FARS2: variants seen among roughly 807,000 people sequenced by gnomAD.
FARS2 encodes phenylalanyl-tRNA synthetase 2, mitochondrial, also known as phenylalanine--tRNA ligase, mitochondrial.
A neutral mutation model predicts 46.4 loss-of-function variants in FARS2; 40 were observed. That is an observed-to-expected ratio of 0.86 (90% CI 0.67 to 1.12). FARS2 has a LOEUF of 1.12. Among genes scored for constraint, FARS2 ranks in the 50% most tolerant of loss-of-function variants. FARS2 has a pLI of 0.00. For synonymous variants in FARS2, 234 were observed against 214.9 expected, an observed-to-expected ratio of 1.09 and a Z score of -0.78; for missense variants, 513 against 567.9, an observed-to-expected ratio of 0.90 and a Z score of 0.98.
intron 2 of FARS2, among the ~76,000 whole-genome samples, chr6:5,375,501 A>C (rs1322255406): frequency 6.6e-6 from 1 of 152,068 alleles, no homozygotes; most frequent in African/African-American, 2.4e-5. Context: ...TTAATCTACA[A>C]ATCCAGCGCA....
chr6:5,316,169 A>G (rs541269210), intron 1 of FARS2, among the ~76,000 whole-genome samples: 2 of 152,358 alleles, frequency 1.3e-5, no homozygotes, highest in South Asian at 4.1e-4. Flanking sequence ...ATGTACTGGG[A>G]AAGATTCACT....
chr6:5,577,739 T>A (rs952549980), intron 5 of FARS2, among the ~76,000 whole-genome samples: 1 of 152,160 alleles, frequency 6.6e-6, no homozygotes, highest in Non-Finnish European at 1.5e-5. Flanking sequence ...AGCAGTAGCT[T>A]TGGAGTAAAC....
chr6:5,321,310 G>A (rs192116487), intron 1 of FARS2, among the ~76,000 whole-genome samples: 31 of 152,274 alleles, frequency 2.0e-4, no homozygotes, highest in Middle Eastern at 3.4e-3. Flanking sequence ...ACACATGATG[G>A]CAGATGGTGC....
At chr6:5,419,975 T>A (rs1458025440) in intron 3 of FARS2, among the ~76,000 whole-genome samples, 1 of 152,154 alleles carries the variant, frequency 6.6e-6, no homozygotes, top group Non-Finnish European at 1.5e-5. Context: ...GATAAAGACA[T>A]ACCCGAGACT....
At chr6:5,576,833 C>A (rs1473339325) in intron 5 of FARS2, among the ~76,000 whole-genome samples, 1 of 151,616 alleles carries the variant, frequency 6.6e-6, no homozygotes, top group East Asian at 1.9e-4. Flanking sequence ...TCCTTACTAT[C>A]ATTTTTTTTT....
chr6:5,736,204 T>G (rs1205607757), intron 6 of FARS2, among the ~76,000 whole-genome samples: 1 of 152,180 alleles, frequency 6.6e-6, no homozygotes, highest in Non-Finnish European at 1.5e-5. Context: ...CCACCTGGGC[T>G]CCTCCACAGG....
intron 6 of FARS2, among the ~76,000 whole-genome samples, chr6:5,728,749 G>A (rs1441543408): frequency 2.0e-5 from 3 of 152,158 alleles, no homozygotes; most frequent in African/African-American, 4.8e-5. Flanking sequence ...TGAGCCTCCC[G>A]CGGTCGGGTT....
At chr6:5,642,175 A>G (rs1295437557) in intron 6 of FARS2, among the ~76,000 whole-genome samples, 1 of 152,204 alleles carries the variant, frequency 6.6e-6, no homozygotes, top group Non-Finnish European at 1.5e-5. Flanking sequence ...TGTGTGTATT[A>G]TAACACATGC....
intron 6 of FARS2, among the ~76,000 whole-genome samples, chr6:5,677,933 A>G (rs1051133763): frequency 2.6e-5 from 4 of 152,230 alleles, no homozygotes; most frequent in Admixed American, 2.0e-4. Flanking sequence ...TGCAGATGGC[A>G]ACAATGAAAG....
In FARS2 at chr6:5,488,765, T is replaced by G. The variant is rs544078501; in HGVS notation, c.905-56415T>G. 2.0e-5 allele frequency among the ~76,000 whole-genome samples: 3 copies of G among 152,248 alleles called. No individual in the cohort carries two copies. The East Asian group carries it at 5.8e-4, about 29-fold the overall frequency. On this transcript the variant is annotated intron_variant, in intron 4 of 6. Transcript: ENST00000274680. ...TTCTCTTTCAGTCTCTGGCTTTTAT[T>G]TGGCTTTTAAATACTTCATACTCCG... is the stretch of plus-strand genomic sequence containing the variant.
At chr6:5,282,415 G>A (rs188930711) in intron 1 of FARS2, among the ~76,000 whole-genome samples, 45 of 152,320 alleles carry the variant, frequency 3.0e-4, no homozygotes, top group Admixed American at 2.3e-3. Context: ...CAGGGGAAGC[G>A]CCTGAGGTTG....
intron 3 of FARS2, among the ~76,000 whole-genome samples, chr6:5,422,061 T>G (rs1762580713): frequency 6.6e-6 from 1 of 152,220 alleles, no homozygotes; most frequent in African/African-American, 2.4e-5. Flanking sequence ...CTTAATGGAC[T>G]CACAGTTTCA....
At chr6:5,753,450 G>A (rs1309778196) in intron 6 of FARS2, among the ~76,000 whole-genome samples, 1 of 152,144 alleles carries the variant, frequency 6.6e-6, no homozygotes, top group Non-Finnish European at 1.5e-5. Context: ...GTGAGTTGCT[G>A]TTTTTGTCAT....
chr6:5,711,772 A>G (rs1430985250), intron 6 of FARS2, among the ~76,000 whole-genome samples: 1 of 152,250 alleles, frequency 6.6e-6, no homozygotes, highest in African/African-American at 2.4e-5. Context: ...CTGAGGAGGC[A>G]TGACAACTAA....
chr6:5,479,413 C>CT (rs1002790742), intron 4 of FARS2, among the ~76,000 whole-genome samples: 20 of 152,188 alleles, frequency 1.3e-4, no homozygotes, highest in African/African-American at 4.8e-4. Flanking sequence ...TTGAGTTCTA[C>CT]TTTGCTTTAG....
chr6:5,292,571 C>G (rs1767580362), intron 1 of FARS2, among the ~76,000 whole-genome samples: 1 of 152,100 alleles, frequency 6.6e-6, no homozygotes, highest in Non-Finnish European at 1.5e-5. Context: ...ATTGGGTACT[C>G]AGGTGGTGGT....
At chr6:5,508,687 C>T (rs1286324835) in intron 4 of FARS2, among the ~76,000 whole-genome samples, 1 of 152,170 alleles carries the variant, frequency 6.6e-6, no homozygotes, top group Non-Finnish European at 1.5e-5. Context: ...AGGAGATTGC[C>T]TCTGGTGGCA....
At chr6:5,558,276 T>C (rs574226539) in intron 5 of FARS2, among the ~76,000 whole-genome samples, 1 of 152,232 alleles carries the variant, frequency 6.6e-6, no homozygotes, top group Admixed American at 6.5e-5. Flanking sequence ...ACACCTGAGA[T>C]GTGAGGAATT....
intron 1 of FARS2, among the ~76,000 whole-genome samples, chr6:5,365,322 T>C (rs1204067831): frequency 2.2e-5 from 2 of 92,208 alleles, no homozygotes; most frequent in African/African-American, 5.2e-5. Flanking sequence ...ACTTTCTTTT[T>C]TTTTTTTTTT....
Sources: allele counts gnomAD v4.1 joint callset (sites outside exome capture counted in the v4.1 genomes callset), GRCh38; gene constraint gnomAD v4.1.1; transcripts MANE v1.5; gene names NCBI Gene and HGNC (gene_info 2026-07-23, HGNC 2026-07-21).